TMEM178B: variants seen among roughly 807,000 people sequenced by gnomAD.
The protein encoded by TMEM178B is transmembrane protein 178B.
TMEM178B carries 5 observed loss-of-function variants against 31.0 expected under a neutral mutation model. That is an observed-to-expected ratio of 0.16 (90% CI 0.08 to 0.34). The LOEUF (loss-of-function observed/expected upper bound fraction) is 0.34, where lower values mean the gene tolerates loss of function less well. Among genes scored for constraint, TMEM178B ranks in the 10% least tolerant of loss-of-function variants. The pLI, the probability that TMEM178B is intolerant of heterozygous loss-of-function variation, is 1.00. For missense variants in TMEM178B, 275 were observed against 400.3 expected (o/e 0.69, Z 2.67); for synonymous variants, 164 against 164.0 (o/e 1.00, Z 0.00).
chr7:141,299,203 G>A (rs1798684338), intron 2 of TMEM178B, among the ~76,000 whole-genome samples: 2 of 151,972 alleles, frequency 1.3e-5, no homozygotes, highest in East Asian at 1.9e-4. Flanking sequence ...TTGAGATGGA[G>A]TCTCACTCTG....
intron 2 of TMEM178B, among the ~76,000 whole-genome samples, chr7:141,214,566 T>C (rs1342085997): frequency 1.3e-5 from 2 of 152,252 alleles, no homozygotes; most frequent in African/African-American, 4.8e-5. Flanking sequence ...ACAGATACTC[T>C]TCAGGGAAAC....
intron 2 of TMEM178B, among the ~76,000 whole-genome samples, chr7:141,311,619 C>T (rs1367910352): frequency 6.6e-6 from 1 of 152,204 alleles, no homozygotes; most frequent in Non-Finnish European, 1.5e-5. Context: ...TACCAATTCT[C>T]TTCTCTGATT....
At chr7:141,229,413 C>A (rs867461651) in intron 2 of TMEM178B, among the ~76,000 whole-genome samples, 2 of 152,104 alleles carry the variant, frequency 1.3e-5, no homozygotes, top group South Asian at 4.2e-4. Context: ...TTCCCTGTAA[C>A]CACCTACCCC....
chr7:141,391,205 C>G (rs1324985650), intron 2 of TMEM178B, among the ~76,000 whole-genome samples: 1 of 151,972 alleles, frequency 6.6e-6, no homozygotes, highest in Non-Finnish European at 1.5e-5. Context: ...CTCACTCTGT[C>G]GCCAGACTGA....
intron 2 of TMEM178B, among the ~76,000 whole-genome samples, chr7:141,403,231 G>A (rs1346188013): frequency 3.9e-5 from 6 of 152,210 alleles, no homozygotes; most frequent in African/African-American, 1.4e-4. Flanking sequence ...TGTGATGGTG[G>A]AGTGAGTGAG....
chr7:141,359,049 A>G (rs1435738407), intron 2 of TMEM178B, among the ~76,000 whole-genome samples: 2 of 152,246 alleles, frequency 1.3e-5, no homozygotes. Flanking sequence ...TTTGATAACT[A>G]AAATGGTAGG....
intron 2 of TMEM178B, among the ~76,000 whole-genome samples, chr7:141,223,692 A>G (rs1464129985): frequency 6.6e-6 from 1 of 151,986 alleles, no homozygotes; most frequent in East Asian, 1.9e-4. Context: ...CTCTCTATGC[A>G]TATCCATCTG....
At chr7:141,285,252 G>A (rs1013780836) in intron 2 of TMEM178B, among the ~76,000 whole-genome samples, 5 of 136,480 alleles carry the variant, frequency 3.7e-5, no homozygotes, top group Admixed American at 1.7e-4. Flanking sequence ...CCGGATTCAC[G>A]CCATTCTCCT....
chr7:141,386,006 A>C (rs1187470614), intron 2 of TMEM178B, among the ~76,000 whole-genome samples: 2 of 152,200 alleles, frequency 1.3e-5, no homozygotes, highest in Non-Finnish European at 2.9e-5. Flanking sequence ...TTTTCTGTGA[A>C]GCGCTGGACT....
At chr7:141,195,990 T>C (rs946125292) in intron 1 of TMEM178B, among the ~76,000 whole-genome samples, 10 of 152,144 alleles carry the variant, frequency 6.6e-5, no homozygotes, top group Non-Finnish European at 1.5e-4. Context: ...CCTGGGTCCC[T>C]CCCACAACAC....
At chr7:141,111,739 A>G (rs1795237550) in intron 1 of TMEM178B, among the ~76,000 whole-genome samples, 1 of 152,198 alleles carries the variant, frequency 6.6e-6, no homozygotes, top group African/African-American at 2.4e-5. Context: ...AGAACTGAAA[A>G]GGCTCTTAAT....
At chr7:141,258,568 A>ATT (rs1563133938) in intron 2 of TMEM178B, among the ~76,000 whole-genome samples, 324 of 152,290 alleles carry the variant, frequency 2.1e-3, no homozygotes, top group African/African-American at 7.4e-3. Context: ...CTTCATGTGG[A>ATT]TTCACGTTAC....
intron 2 of TMEM178B, chr7:141,416,275 C>T (rs1483851848): frequency 1.3e-5 from 2 of 152,734 alleles, no homozygotes; most frequent in Non-Finnish European, 2.9e-5. Flanking sequence ...TTCCCACCAC[C>T]TCTACATCCA....
intron 2 of TMEM178B, among the ~76,000 whole-genome samples, chr7:141,218,491 C>T (rs1326478026): frequency 6.6e-6 from 1 of 152,196 alleles, no homozygotes; most frequent in Non-Finnish European, 1.5e-5. Context: ...GTCCCCACAG[C>T]TCTTGATCTC....
At chr7:141,365,783 C>T (rs1051399126) in intron 2 of TMEM178B, among the ~76,000 whole-genome samples, 3 of 152,220 alleles carry the variant, frequency 2.0e-5, no homozygotes, top group Non-Finnish European at 4.4e-5. Flanking sequence ...GCCTACACAA[C>T]TCTAGTATGA....
chr7:141,489,494 A>G, the TMEM178B span, among the ~76,000 whole-genome samples: 3 of 152,166 alleles, frequency 2.0e-5, no homozygotes, highest in African/African-American at 7.2e-5. Flanking sequence ...GAAGGATTAT[A>G]TACAGGTTAT....
intron 2 of TMEM178B, among the ~76,000 whole-genome samples, chr7:141,290,627 AC>A (rs1482300302): frequency 6.6e-6 from 1 of 152,210 alleles, no homozygotes; most frequent in Non-Finnish European, 1.5e-5. Context: ...TTTAAATAAT[AC>A]ATCACCTTCC....
At chr7:141,149,492 G>A (rs1203194379) in intron 1 of TMEM178B, among the ~76,000 whole-genome samples, 1 of 152,188 alleles carries the variant, frequency 6.6e-6, no homozygotes, top group African/African-American at 2.4e-5. Context: ...AGGTTGCAGT[G>A]AGCCGAGATC....
intron 2 of TMEM178B, among the ~76,000 whole-genome samples, chr7:141,234,418 C>T (rs1797495294): frequency 6.6e-6 from 1 of 152,074 alleles, no homozygotes; most frequent in Non-Finnish European, 1.5e-5. Flanking sequence ...TTGATCAAGT[C>T]ATGGAAATGA....
Sources: gnomAD v4.1 joint callset for allele counts (sites outside exome capture counted in the v4.1 genomes callset) on GRCh38, gnomAD v4.1.1 for gene constraint, MANE v1.5 for transcripts, NCBI Gene and HGNC (gene_info 2026-07-23, HGNC 2026-07-21) for gene names.